The following BORA variants were observed in gnomAD, a reference collection of about 807,000 sequenced individuals.
BORA encodes protein aurora borealis.
In BORA, 26 loss-of-function variants were observed where a neutral mutation model predicts 55.8. The observed-to-expected ratio is 0.47, with a 90% CI of 0.34 to 0.65. The LOEUF (loss-of-function observed/expected upper bound fraction) is 0.65, where lower values mean the gene tolerates loss of function less well. Ranked by LOEUF, BORA falls within the 30% of genes least tolerant of loss-of-function variation. BORA has a pLI of 0.01. For missense variants in BORA, 568 were observed against 671.5 expected, an observed-to-expected ratio of 0.85 and a Z score of 1.70; for synonymous variants, 201 against 216.9, an observed-to-expected ratio of 0.93 and a Z score of 0.64.
At chr13:72,728,087 G>T (rs1321261577) in intron 1 of BORA, 80 bp downstream of exon 1, 1 of 1,531,480 alleles carries the variant, frequency 6.5e-7, no homozygotes, top group Non-Finnish European at 8.9e-7. Context: ...TGACTTGCCT[G>T]CCCGCTCGCC....
intron 5 of BORA, among the ~76,000 whole-genome samples, chr13:72,742,793 CACACACA>C (rs2033062223): frequency 1.4e-5 from 2 of 145,356 alleles, no homozygotes; most frequent in Non-Finnish European, 3.0e-5. Context: ...CACACACACA[CACACACA>C]CACACACACA....
In BORA at chr13:72,746,034, T is replaced by C. The variant is rs761495051; in HGVS notation, c.829T>C (p.Phe277Leu). Residue 277 changes from phenylalanine (F) to leucine (L), a missense_variant, in exon 9 of 12, where the codon TTC becomes CTC. By Grantham distance (22) the Phe-to-Leu change is conservative. Coordinates refer to ENST00000390667, the MANE Select transcript of BORA (RefSeq NM_024808.5). ...TSPSPISSPT[F>L]SPIEFQIGET... ...TCCTTCGCCTATTTCTTCACCCACT[T>C]TCTCACCAATTGAATTTCAGATAGG... 6.2e-7 allele frequency: 1 copy of C among 1,612,632 alleles called. No homozygotes were observed. The highest frequency in any genetic ancestry group is 8.5e-7 in the Non-Finnish European group (1 of 1,178,760).
chr13:72,733,200 A>C (rs954223442), intron 3 of BORA, among the ~76,000 whole-genome samples: 1 of 152,212 alleles, frequency 6.6e-6, no homozygotes, highest in African/African-American at 2.4e-5. Flanking sequence ...AGTGTCTTTC[A>C]GTATCTCTTC....
intron 5 of BORA, among the ~76,000 whole-genome samples, chr13:72,740,004 T>C (rs1747948956): frequency 2.8e-5 from 1 of 36,212 alleles, no homozygotes; most frequent in Non-Finnish European, 5.6e-5. Context: ...GTAGTCCATG[T>C]GCGGTATGAG....
chr13:72,754,941 T>A, intron 11 of BORA: 1 of 490,070 alleles, frequency 2.0e-6, no homozygotes, highest in Non-Finnish European at 3.7e-6. Context: ...CCCAAACTCC[T>A]GGGCTCGTGC....
Position 72,745,978 on chromosome 13 carries a change from C to G in BORA, c.773C>G (p.Ala258Gly), listed in dbSNP as rs367766365. 6.2e-7 allele frequency: 1 copy of G among 1,612,508 alleles called. No individual in the cohort carries two copies. The highest frequency in any genetic ancestry group is 1.7e-5 in the Admixed American group (1 of 59,918). Residue 258 changes from alanine (A) to glycine (G), a missense_variant, in exon 9 of 12, where the codon GCA becomes GGA. By Grantham distance (60) the Ala-to-Gly change is moderately conservative. Transcript: ENST00000390667. ...TCTTCTAGCCCTATTCAGGCTAGTG[C>G]AAAAAAATACAGCTTGGGAAGCATA... Reference protein sequence around the residue: ...QFSSSPIQASAKKYSLGSITS... With the variant: ...QFSSSPIQASGKKYSLGSITS...
intron 6 of BORA, 96 bp from the exon 7 acceptor site, chr13:72,744,409 G>A: frequency 1.0e-6 from 1 of 991,714 alleles, no homozygotes; most frequent in Non-Finnish European, 1.5e-6. Context: ...ATCACGGGGA[G>A]ATGATTGACT....
intron 8 of BORA, 127 bp downstream of exon 8, chr13:72,745,334 T>C: frequency 1.3e-6 from 1 of 755,332 alleles, no homozygotes; most frequent in Non-Finnish European, 2.1e-6. Context: ...AGTAAATAAG[T>C]GGAAAAGAGG....
intron 5 of BORA, among the ~76,000 whole-genome samples, chr13:72,741,418 G>A (rs1326791836): frequency 1.3e-5 from 2 of 152,136 alleles, no homozygotes; most frequent in East Asian, 3.8e-4. Flanking sequence ...CATAGAAAAT[G>A]TCTATTTGTA....
chr13:72,745,938 T>C lies in BORA; in HGVS notation c.739-6T>C. The C allele has an allele frequency of 6.2e-7, 1 of 1,600,962 alleles. No homozygotes were observed. The highest frequency in any genetic ancestry group is 8.5e-7 in the Non-Finnish European group (1 of 1,174,934). On this transcript the variant is annotated splice_polypyrimidine_tract_variant and splice_region_variant and intron_variant, in intron 8 of 11. Transcript: ENST00000390667. ...TACATTTATTTACTATTTAATTTTA[T>C]TACAGGGGCAGTTTTCTTCTAGCCC...
At chr13:72,751,680 T>C (rs1200620356) in intron 10 of BORA, among the ~76,000 whole-genome samples, 2 of 152,180 alleles carry the variant, frequency 1.3e-5, no homozygotes, top group Admixed American at 6.5e-5. Context: ...TATAGCTCTA[T>C]ACGGTGAGTG....
chr13:72,746,637 G>T lies in BORA; in HGVS notation c.1008G>T (p.Gln336His), dbSNP rs201026933. 1.3e-4 allele frequency: 210 copies of T among 1,614,112 alleles called. No homozygotes were observed. The African/African-American group carries it at 2.7e-3, about 20-fold the overall frequency. Residue 336 changes from glutamine (Q) to histidine (H), a missense_variant, in exon 10 of 12, where the codon CAG becomes CAT. Physicochemically the swap from Gln to His is conservative, Grantham distance 24. Coordinates refer to ENST00000390667, the MANE Select transcript of BORA (RefSeq NM_024808.5). Reference sequence around the variant, plus strand: ...AAAATTGGTCTCCTATGAGACTTCAGATGTATAGTGGTGGTACTCAGTATC... The same window carrying T: ...AAAATTGGTCTCCTATGAGACTTCATATGTATAGTGGTGGTACTCAGTATC... Reference protein sequence around the residue: ...PIKNWSPMRLQMYSGGTQYRT... With the variant: ...PIKNWSPMRLHMYSGGTQYRT...
intron 4 of BORA, among the ~76,000 whole-genome samples, chr13:72,737,127 G>T (rs959513): frequency 0.99 from 150,239 of 152,306 alleles, 74,136 homozygotes; most frequent in Middle Eastern, 1. Context: ...AAACACTGTG[G>T]TAGAAATGAA....
intron 2 of BORA, among the ~76,000 whole-genome samples, chr13:72,730,658 A>G (rs752735736): frequency 5.3e-5 from 8 of 152,172 alleles, no homozygotes; most frequent in Non-Finnish European, 1.2e-4. Flanking sequence ...GGCTTAGTTT[A>G]TCACACTGAT....
chr13:72,753,902 A>G, intron 11 of BORA, 81 bp downstream of exon 11: 1 of 1,294,568 alleles, frequency 7.7e-7, no homozygotes, highest in South Asian at 1.5e-5. Context: ...CAATAGTACT[A>G]TTGAGAAACT....
chr13:72,745,247 C>G, intron 8 of BORA, 40 bp downstream of exon 8: 2 of 1,513,494 alleles, frequency 1.3e-6, no homozygotes, highest in Non-Finnish European at 1.8e-6. Flanking sequence ...AATATGCTGT[C>G]AAGCTTGAAC....
intron 4 of BORA, among the ~76,000 whole-genome samples, chr13:72,735,849 TC>T (rs2032914372): frequency 6.6e-6 from 1 of 152,228 alleles, no homozygotes; most frequent in Non-Finnish European, 1.5e-5. Context: ...CCTCAGATGA[TC>T]CGCCTACCTT....
intron 1 of BORA, 165 bp downstream of exon 1, chr13:72,728,172 G>C: frequency 1.1e-6 from 1 of 948,810 alleles, no homozygotes; most frequent in Non-Finnish European, 1.7e-6. Context: ...GTAGGGTTGG[G>C]GGCGACGCCT....
rs778299484 is a variant in BORA, at chr13:72,755,665, A to G, written c.*449A>G. Reference sequence around the variant, plus strand: ...CCTATGTGAAGAAATCTTAGATATAAAACTAACTTTTCAAAGATACAAAAG... The same window carrying G: ...CCTATGTGAAGAAATCTTAGATATAGAACTAACTTTTCAAAGATACAAAAG... On this transcript the variant is annotated 3_prime_UTR_variant, in exon 12 of 12. Transcript: ENST00000390667. The G allele has an allele frequency of 6.9e-5, 27 of 388,782 alleles. No individual in the cohort carries two copies. Among genetic ancestry groups the G allele is most frequent in the Non-Finnish European group, 1.2e-4 (26 of 220,456 alleles). 24.1% of individuals were successfully genotyped at this position (388,782 alleles called of 1,614,324 possible).
Sources: gnomAD v4.1 joint callset for allele counts (sites outside exome capture counted in the v4.1 genomes callset) on GRCh38, gnomAD v4.1.1 for gene constraint, MANE v1.5 for transcripts, NCBI Gene and HGNC (gene_info 2026-07-23, HGNC 2026-07-21) for gene names.